Variants in TRIM54 observed in about 807,000 individuals in gnomAD.
TRIM54 encodes tripartite motif-containing protein 54.
In TRIM54, 40 loss-of-function variants were observed where a neutral mutation model predicts 42.0. The observed-to-expected ratio is 0.95, with a 90% CI of 0.74 to 1.24. The LOEUF is 1.24. Among genes scored for constraint, TRIM54 ranks in the 50% most tolerant of loss-of-function variants. The probability of loss-of-function intolerance (pLI) is 0.00; values close to 1 mark genes in which losing one functional copy is unlikely to be tolerated. For synonymous variants in TRIM54, 199 were observed against 194.9 expected, an observed-to-expected ratio of 1.02 and a Z score of -0.17; for missense variants, 485 against 480.3, an observed-to-expected ratio of 1.01 and a Z score of -0.09.
At chr2:27,287,239 A>G (rs1221797718) in intron 1 of TRIM54, among the ~76,000 whole-genome samples, 3 of 151,852 alleles carry the variant, frequency 2.0e-5, no homozygotes, top group Non-Finnish European at 2.9e-5. Context: ...GTCTCATTCT[A>G]TCACCCAGGT....
intron 1 of TRIM54, among the ~76,000 whole-genome samples, chr2:27,295,496 C>T (rs746396796): frequency 2.8e-4 from 42 of 152,210 alleles, no homozygotes; most frequent in Non-Finnish European, 4.6e-4. Flanking sequence ...TTAGTAGAGA[C>T]GGGATTTCAC....
In TRIM54 at chr2:27,282,901, T is replaced by G. The variant is rs1252852956; in HGVS notation, c.168+2T>G. 1.9e-6 allele frequency: 3 copies of G among 1,610,098 alleles called. No homozygotes were observed. The highest frequency in any genetic ancestry group is 2.5e-6 in the Non-Finnish European group (3 of 1,177,994). ...AAATGTGCCAACGACGTCTTCCAGG[T>G]GGGTGCCAGGGACGGGGCAGGGCCA... On this transcript the variant is annotated splice_donor_variant, in intron 1 of 8. Transcript: ENST00000380075. LOFTEE classifies it high-confidence loss of function.
At chr2:27,288,780 CTAAG>C (rs1678643912) in intron 1 of TRIM54, among the ~76,000 whole-genome samples, 1 of 152,190 alleles carries the variant, frequency 6.6e-6, no homozygotes, top group African/African-American at 2.4e-5. Context: ...AAGGGACAGA[CTAAG>C]GACATAAATC....
intron 1 of TRIM54, among the ~76,000 whole-genome samples, chr2:27,287,369 AT>A (rs1266326002): frequency 2.0e-5 from 3 of 151,900 alleles, no homozygotes; most frequent in Admixed American, 6.6e-5. Flanking sequence ...TGCCTGGCTA[AT>A]TTTTTTGTAA....
chr2:27,282,993 A>G, intron 1 of TRIM54, 94 bp downstream of exon 1: 1 of 1,381,280 alleles, frequency 7.2e-7, no homozygotes, highest in Non-Finnish European at 9.8e-7. Context: ...GGTGATGGAT[A>G]GAGTGCTCTC....
chr2:27,304,910 A>G (rs755518532), intron 3 of TRIM54, 49 bp from the exon 4 acceptor site: 14 of 1,563,668 alleles, frequency 9.0e-6, no homozygotes, highest in Middle Eastern at 1.7e-4. Context: ...TGAGGGGTGT[A>G]GCTCTAGGCC....
At chr2:27,299,466 A>G (rs760338646) in intron 3 of TRIM54, 50 bp downstream of exon 3, 1 of 1,596,460 alleles carries the variant, frequency 6.3e-7, no homozygotes, top group Non-Finnish European at 8.5e-7. Flanking sequence ...GGCTTAGGAC[A>G]GGGTCTCAGT....
At chr2:27,299,730 G>C (rs1678979115) in intron 3 of TRIM54, 1 of 593,188 alleles carries the variant, frequency 1.7e-6, no homozygotes, top group African/African-American at 1.9e-5. Flanking sequence ...TTTTGAGATG[G>C]AGTCTCGCTC....
chr2:27,292,920 G>A (rs148612025), intron 1 of TRIM54, among the ~76,000 whole-genome samples: 25 of 152,132 alleles, frequency 1.6e-4, no homozygotes, highest in African/African-American at 5.6e-4. Context: ...ACTTTTATCA[G>A]CATCATCCAT....
rs35279593 is a variant in TRIM54 at position 27,301,135 on chromosome 2, CTTTTTT to C, written c.513+1736_513+1741del. Among the ~76,000 whole-genome samples, 10 of 125,340 alleles carry C rather than the reference CTTTTTT, an allele frequency of 8.0e-5. No homozygotes were observed. In the South Asian group the frequency reaches 2.6e-3, roughly 33 times the overall value. The allele number at this position is 125,340 out of a possible 152,430, so 82.2% of individuals were successfully genotyped here. On this transcript the variant is annotated intron_variant, in intron 3 of 8. Transcript: ENST00000380075. ...AGCCCCTAGGGCTGCTGGTTGCCCT[CTTTTTT>C]TTTTTTTTTTTTTTTTAGATGGAGT...
chr2:27,306,035 A>G lies in TRIM54; in HGVS notation c.844-45A>G. 1.2e-6 allele frequency: 2 copies of G among 1,611,774 alleles called. No individual in the cohort carries two copies. Among genetic ancestry groups the G allele is most frequent in the South Asian group, 2.2e-5 (2 of 90,762 alleles). On this transcript the variant is annotated intron_variant, in intron 5 of 8. Transcript: ENST00000380075. This position sits in a 1 kb window ranked among gnomAD's most constrained non-coding sequence, Gnocchi z 6.1. ...GAGATTCAGAAATGGGACTTTGCCCAGGTTGGCCCAGTGCTTACTCTCACC... is the reference window on the plus strand; with the variant it reads ...GAGATTCAGAAATGGGACTTTGCCCGGGTTGGCCCAGTGCTTACTCTCACC...
chr2:27,285,245 G>T (rs1228643149), intron 1 of TRIM54, among the ~76,000 whole-genome samples: 1 of 152,194 alleles, frequency 6.6e-6, no homozygotes, highest in Non-Finnish European at 1.5e-5. Context: ...CCCTCTGAAA[G>T]ATGAGCATAT....
chr2:27,295,107 C>G (rs980429577), intron 1 of TRIM54, among the ~76,000 whole-genome samples: 2 of 151,444 alleles, frequency 1.3e-5, no homozygotes, highest in African/African-American at 4.9e-5. Context: ...GCTCTGTCGC[C>G]CAGGTTGGAG....
intron 1 of TRIM54, among the ~76,000 whole-genome samples, chr2:27,296,195 C>T (rs1678861587): frequency 6.6e-6 from 1 of 152,202 alleles, no homozygotes; most frequent in Admixed American, 6.5e-5. Context: ...GACTTGGCTG[C>T]ACTCTGTGCA....
In TRIM54 at chr2:27,306,522, A is replaced by G; in HGVS notation, c.1058A>G (p.Glu353Gly). The change falls in exon 8 of 9, where the codon GAG (glutamate) becomes GGG (glycine). Residue 353 changes from glutamate (E) to glycine (G), a missense_variant. Physicochemically the swap from Glu to Gly is moderately conservative, Grantham distance 98. Coordinates refer to ENST00000380075, the MANE Select transcript of TRIM54 (RefSeq NM_187841.3). This position sits in a 1 kb window ranked among gnomAD's most constrained non-coding sequence, Gnocchi z 6.1. The part of the protein sequence containing the change: ...GEEGSAGPEE[E>G]RPDGP ...GAGGGCAGCGCGGGGCCGGAGGAAG[A>G]GCGGCCGGATGGGCCTTAAGGTGAG... The G allele has an allele frequency of 6.4e-7, 1 of 1,561,124 alleles. No individual in the cohort carries two copies. Among genetic ancestry groups the G allele is most frequent in the South Asian group, 1.2e-5 (1 of 85,500 alleles).
intron 3 of TRIM54, among the ~76,000 whole-genome samples, chr2:27,303,226 C>G (rs1281412795): frequency 6.6e-6 from 1 of 152,086 alleles, no homozygotes; most frequent in Non-Finnish European, 1.5e-5. Context: ...GACTATTCCT[C>G]CAAACCCCTA....
At chr2:27,296,769 GT>G (rs988742996) in intron 1 of TRIM54, among the ~76,000 whole-genome samples, 1 of 151,970 alleles carries the variant, frequency 6.6e-6, no homozygotes, top group African/African-American at 2.4e-5. Context: ...TTTTTGGTTT[GT>G]TTTTTTGAGA....
At chr2:27,303,431 TC>T (rs1404892768) in intron 3 of TRIM54, among the ~76,000 whole-genome samples, 4 of 151,946 alleles carry the variant, frequency 2.6e-5, no homozygotes, top group African/African-American at 9.7e-5. Flanking sequence ...GGCCCTGTAA[TC>T]CCAGCTACTC....
intron 1 of TRIM54, among the ~76,000 whole-genome samples, chr2:27,285,009 A>T (rs928936112): frequency 1.3e-5 from 2 of 152,162 alleles, no homozygotes; most frequent in African/African-American, 2.4e-5. Flanking sequence ...GCTTGGGGCA[A>T]ATCCTGTACA....
Sources: gnomAD v4.1 joint callset for allele counts (sites outside exome capture counted in the v4.1 genomes callset) on GRCh38, gnomAD v4.1.1 for gene constraint, Gnocchi (gnomAD v3.1) non-coding constraint, MANE v1.5 for transcripts, NCBI Gene and HGNC (gene_info 2026-07-23, HGNC 2026-07-21) for gene names.